PCDH15: variants seen among roughly 807,000 people sequenced by gnomAD.
PCDH15 encodes the protein protocadherin-15.
Under a neutral mutation model 178.5 loss-of-function variants are expected in PCDH15, and 129 were observed. The observed-to-expected ratio is 0.72, with a 90% confidence interval of 0.63 to 0.84. The LOEUF (loss-of-function observed/expected upper bound fraction) is 0.84, where lower values mean the gene tolerates loss of function less well. PCDH15 is among the 40% of genes least tolerant of loss of function. The probability of loss-of-function intolerance (pLI) is 0.00; values close to 1 mark genes in which losing one functional copy is unlikely to be tolerated. For synonymous variants in PCDH15, 800 were observed against 732.0 expected (o/e 1.09, Z -1.50); for missense variants, 2,230 against 2,099.9 (o/e 1.06, Z -1.21).
At chr10:54,635,162 T>TATAAATAAATAAATAAATAAATAA (rs67991291) in intron 2 of PCDH15, among the ~76,000 whole-genome samples, 25 of 145,378 alleles carry the variant, frequency 1.7e-4, no homozygotes, top group African/African-American at 2.5e-4. Context: ...AATAGTCTCC[T>TATAAATAAATAAATAAATAAATAA]ATAAATAAAT....
chr10:54,764,027 AC>A (rs1407592594), intron 1 of PCDH15, among the ~76,000 whole-genome samples: 5 of 151,966 alleles, frequency 3.3e-5, no homozygotes, highest in African/African-American at 1.2e-4. Context: ...AAGATCTTTT[AC>A]CATGGTTTTC....
At chr10:55,614,749 C>T (rs1843440727) in intron 2 of PCDH15, among the ~76,000 whole-genome samples, 3 of 152,012 alleles carry the variant, frequency 2.0e-5, no homozygotes, top group South Asian at 2.1e-4. Context: ...TTTAAATGAA[C>T]CAAAGTCTTT....
At chr10:55,104,388 T>C (rs766748245) in intron 2 of PCDH15, among the ~76,000 whole-genome samples, 2 of 152,156 alleles carry the variant, frequency 1.3e-5, no homozygotes, top group Non-Finnish European at 2.9e-5. Flanking sequence ...AAAGCACACT[T>C]TGCCAGCATT....
At chr10:54,429,859 G>A (rs1956754302) in intron 3 of PCDH15, among the ~76,000 whole-genome samples, 1 of 152,090 alleles carries the variant, frequency 6.6e-6, no homozygotes, top group Non-Finnish European at 1.5e-5. Context: ...TAGCGATAAA[G>A]AGAGATATAG....
At chr10:54,521,751 G>C (rs1320104957) in intron 3 of PCDH15, among the ~76,000 whole-genome samples, 1 of 152,072 alleles carries the variant, frequency 6.6e-6, no homozygotes, top group Non-Finnish European at 1.5e-5. Context: ...CAAATTGAAT[G>C]ACTTAATGCA....
At chr10:54,710,553 A>G (rs907484119) in intron 1 of PCDH15, among the ~76,000 whole-genome samples, 2 of 152,036 alleles carry the variant, frequency 1.3e-5, no homozygotes, top group African/African-American at 4.8e-5. Context: ...CTCTATAATG[A>G]CCACAGTCTA....
At chr10:55,135,401 C>G (rs927073856) in intron 2 of PCDH15, among the ~76,000 whole-genome samples, 1 of 151,756 alleles carries the variant, frequency 6.6e-6, no homozygotes, top group Non-Finnish European at 1.5e-5. Context: ...CATGAAAGCC[C>G]CAACACACAT....
intron 3 of PCDH15, among the ~76,000 whole-genome samples, chr10:54,889,575 G>A (rs1354172664): frequency 6.7e-6 from 1 of 149,330 alleles, no homozygotes; most frequent in Non-Finnish European, 1.5e-5. Flanking sequence ...CTCTGCATAT[G>A]AAAAAGAAGC....
At chr10:54,622,204 T>A (rs1001962551) in intron 2 of PCDH15, among the ~76,000 whole-genome samples, 11 of 151,304 alleles carry the variant, frequency 7.3e-5, no homozygotes, top group African/African-American at 2.7e-4. Context: ...TGTGAGGGGG[T>A]GTGTGGAGGT....
At chr10:54,360,207 G>A (rs1228316394) in intron 5 of PCDH15, among the ~76,000 whole-genome samples, 2 of 152,010 alleles carry the variant, frequency 1.3e-5, no homozygotes, top group African/African-American at 2.4e-5. Context: ...ATGCCAGACC[G>A]CTTACCTGTC....
intron 2 of PCDH15, among the ~76,000 whole-genome samples, chr10:54,537,004 T>G (rs1565535720): frequency 1.4e-5 from 2 of 139,936 alleles, no homozygotes; most frequent in Non-Finnish European, 3.1e-5. Flanking sequence ...TTCCTTTTTT[T>G]TTTTTTTTTT....
chr10:54,067,965 ATTT>A (rs892732841), intron 17 of PCDH15, among the ~76,000 whole-genome samples: 12 of 141,678 alleles, frequency 8.5e-5, no homozygotes, highest in African/African-American at 3.1e-4. Flanking sequence ...GATTTTTTTT[ATTT>A]TTTATTTTTT....
intron 3 of PCDH15, among the ~76,000 whole-genome samples, chr10:54,879,159 G>A (rs970710): frequency 0.73 from 111,177 of 151,928 alleles, 41,070 homozygotes; most frequent in East Asian, 0.88. Context: ...AGAATACAAC[G>A]TAAAGAGCAG....
At chr10:55,387,082 T>C (rs998438609) in intron 2 of PCDH15, among the ~76,000 whole-genome samples, 2 of 152,132 alleles carry the variant, frequency 1.3e-5, no homozygotes, top group African/African-American at 4.8e-5. Flanking sequence ...TTTTATTTGA[T>C]TTTTTAAAAT....
chr10:54,923,886 C>T lies in PCDH15; in HGVS notation c.-79-26386G>A, dbSNP rs954321497. On this transcript the variant is annotated intron_variant, in intron 2 of 5. Transcript: ENST00000458638. ...CCTCCAAACGATTCCAACCTCTCACCATTACCCAGTTCAAAAGATGCTTCC... is the reference window on the plus strand; with the variant it reads ...CCTCCAAACGATTCCAACCTCTCACTATTACCCAGTTCAAAAGATGCTTCC... 4.3e-5 allele frequency among the ~76,000 whole-genome samples: 6 copies of T among 137,938 alleles called. 1 individual carries two copies. The highest frequency in any genetic ancestry group is 4.3e-4 in the Admixed American group (6 of 14,062). The allele number at this position is 137,938 out of a possible 152,430, so 90.5% of individuals were successfully genotyped here. A position where few individuals can be genotyped will look rare whatever the true frequency, so the allele number is the denominator to read the frequency against.
chr10:55,295,846 C>T (rs961371275), intron 1 of PCDH15, among the ~76,000 whole-genome samples: 3 of 152,000 alleles, frequency 2.0e-5, no homozygotes, highest in Non-Finnish European at 2.9e-5. Context: ...AGTTTTAGCA[C>T]GGACATCACA....
intron 1 of PCDH15, among the ~76,000 whole-genome samples, chr10:54,728,884 AC>A (rs1942954525): frequency 6.6e-6 from 1 of 151,394 alleles, no homozygotes; most frequent in African/African-American, 2.4e-5. Flanking sequence ...GAAAATATTT[AC>A]AATTAGAATT....
chr10:54,877,993 C>T (rs184183621), intron 3 of PCDH15, among the ~76,000 whole-genome samples: 3 of 114,114 alleles, frequency 2.6e-5, no homozygotes, highest in Admixed American at 1.2e-4. Context: ...AGTGGAGTCT[C>T]GCTCTGTTGC....
intron 1 of PCDH15, among the ~76,000 whole-genome samples, chr10:54,675,461 T>G (rs1192941057): frequency 3.9e-5 from 2 of 51,596 alleles, no homozygotes; most frequent in Non-Finnish European, 8.9e-5. Context: ...TTTCATGTTG[T>G]TTTTTTTTTT....
Sources: allele counts gnomAD v4.1 joint callset (sites outside exome capture counted in the v4.1 genomes callset), GRCh38; gene constraint gnomAD v4.1.1; transcripts MANE v1.5; gene names NCBI Gene and HGNC (gene_info 2026-07-23, HGNC 2026-07-21).